THADA: variants seen among roughly 807,000 people sequenced by gnomAD.
The protein encoded by THADA is tRNA (32-2'-O)-methyltransferase regulator THADA.
Under a neutral mutation model 219.8 loss-of-function variants are expected in THADA, and 213 were observed. The ratio of observed to expected loss-of-function variants is 0.97; its 90% CI spans 0.87 to 1.09. THADA has a LOEUF of 1.09. THADA is among the 50% of genes least tolerant of loss of function. The pLI, the probability that THADA is intolerant of heterozygous loss-of-function variation, is 0.00. For synonymous variants in THADA, 1,018 were observed against 828.9 expected, an observed-to-expected ratio of 1.23 and a Z score of -3.92; for missense variants, 2,956 against 2,311.3, an observed-to-expected ratio of 1.28 and a Z score of -5.72.
At chr2:43,506,783 T>C (rs1388056549) in intron 23 of THADA, among the ~76,000 whole-genome samples, 1 of 152,218 alleles carries the variant, frequency 6.6e-6, no homozygotes, top group Non-Finnish European at 1.5e-5. Flanking sequence ...CCAGACTCCC[T>C]TTCTCCATGT....
intron 29 of THADA, among the ~76,000 whole-genome samples, chr2:43,353,211 G>C (rs1356130144): frequency 6.6e-6 from 1 of 152,132 alleles, no homozygotes; most frequent in East Asian, 1.9e-4. Context: ...GATTTGCTGG[G>C]TCTTATGATG....
chr2:43,518,656 G>C (rs1056510836), intron 22 of THADA, among the ~76,000 whole-genome samples: 6 of 152,192 alleles, frequency 3.9e-5, no homozygotes, highest in African/African-American at 1.4e-4. Context: ...CAATGTCTCT[G>C]AGTTTTAACA....
chr2:43,464,291 C>T (rs1683976803), intron 26 of THADA, among the ~76,000 whole-genome samples: 1 of 151,836 alleles, frequency 6.6e-6, no homozygotes, highest in African/African-American at 2.4e-5. Context: ...TCCATTAATA[C>T]TCTTACTCAT....
Position 43,554,224 on chromosome 2 carries a change from G to A in THADA, c.2675-1885C>T, listed in dbSNP as rs570097200. 8.3e-3 allele frequency among the ~76,000 whole-genome samples: 1,256 copies of A among 152,216 alleles called. 10 individuals carry two copies. The highest frequency in any genetic ancestry group is 0.014 in the Non-Finnish European group (924 of 68,006). ...GACTGACATCTATGTTTTCTTCCAA[G>A]AATTTTATAGTTTTAGCTCTTATAT... On this transcript the variant is annotated intron_variant, in intron 17 of 37. Transcript: ENST00000405975.
At chr2:43,317,244 T>C (rs1287367247) in intron 31 of THADA, among the ~76,000 whole-genome samples, 2 of 152,314 alleles carry the variant, frequency 1.3e-5, no homozygotes, top group African/African-American at 4.8e-5. Flanking sequence ...CATAAACACC[T>C]TGCTTGAATT....
At chr2:43,528,047 A>C in intron 21 of THADA, 59 bp from the exon 22 acceptor site, 1 of 1,272,340 alleles carries the variant, frequency 7.9e-7, no homozygotes, top group Non-Finnish European at 1.1e-6. Flanking sequence ...AAGTGTATTT[A>C]TATCAGTAAC....
intron 31 of THADA, among the ~76,000 whole-genome samples, chr2:43,306,543 G>C (rs1572998644): frequency 6.6e-6 from 1 of 152,118 alleles, no homozygotes; most frequent in African/African-American, 2.4e-5. Flanking sequence ...AGAGAGGCTA[G>C]GATCACCCAT....
chr2:43,355,677 G>A lies in THADA; in HGVS notation c.4228-11440C>T, dbSNP rs541202852. Among the ~76,000 whole-genome samples the A allele has an allele frequency of 2.5e-4, 38 of 152,142 alleles. 1 individual carries two copies. Among genetic ancestry groups the A allele is most frequent in the Non-Finnish European group, 4.7e-4 (32 of 68,004 alleles). ...CTATTTTGAGTTGACTTTTGTGTAA[G>A]GTATAAGGGTCCAATGTCATTCTTT... is the stretch of plus-strand genomic sequence containing the variant. On this transcript the variant is annotated intron_variant, in intron 29 of 37. Transcript: ENST00000405975.
chr2:43,329,588 G>C (rs994662704), intron 30 of THADA, among the ~76,000 whole-genome samples: 1 of 152,118 alleles, frequency 6.6e-6, no homozygotes, highest in Non-Finnish European at 1.5e-5. Flanking sequence ...TCTTAAGAAG[G>C]AAGAAAAATA....
intron 26 of THADA, among the ~76,000 whole-genome samples, chr2:43,438,523 G>A (rs1194691905): frequency 6.6e-6 from 1 of 152,152 alleles, no homozygotes; most frequent in African/African-American, 2.4e-5. Context: ...AAATGGCCTA[G>A]ATAAACTCTT....
chr2:43,261,077 G>A (rs1462975569), intron 36 of THADA, among the ~76,000 whole-genome samples: 1 of 151,652 alleles, frequency 6.6e-6, no homozygotes, highest in Non-Finnish European at 1.5e-5. Context: ...GTTATTTTGT[G>A]GATAACTTTT....
intron 34 of THADA, among the ~76,000 whole-genome samples, chr2:43,288,601 A>T (rs1355642506): frequency 6.6e-6 from 1 of 152,242 alleles, no homozygotes; most frequent in African/African-American, 2.4e-5. Context: ...TCCTCTCCCT[A>T]TGGAGCTTTG....
chr2:43,484,949 A>C lies in THADA; in HGVS notation c.3836+285T>G, dbSNP rs566851635. On this transcript the variant is annotated intron_variant, in intron 26 of 37. Transcript: ENST00000405975. ...TTAAAGAAGATGCAATTAAAAAAAAAAAAACAAAAAAAACACTAGCTTTTG... is the reference window on the plus strand; with the variant it reads ...TTAAAGAAGATGCAATTAAAAAAAACAAAACAAAAAAAACACTAGCTTTTG... 5.3e-5 allele frequency among the ~76,000 whole-genome samples: 8 copies of C among 151,174 alleles called. No individual in the cohort carries two copies. The South Asian group carries it at 1.7e-3, about 31-fold the overall frequency.
chr2:43,442,194 G>T (rs753191620), intron 26 of THADA, among the ~76,000 whole-genome samples: 95 of 152,142 alleles, frequency 6.2e-4, no homozygotes, highest in Non-Finnish European at 1.2e-3. Context: ...CCAGCACTTT[G>T]GGAGGCCGAG....
chr2:43,234,450 A>G (rs1667792431), intron 36 of THADA, among the ~76,000 whole-genome samples: 1 of 152,160 alleles, frequency 6.6e-6, no homozygotes, highest in Admixed American at 6.5e-5. Context: ...TCTGCAGCCT[A>G]GAACCCAGAT....
chr2:43,540,217 G>A (rs1695121043), intron 21 of THADA, among the ~76,000 whole-genome samples: 1 of 152,230 alleles, frequency 6.6e-6, no homozygotes. Context: ...ACGCCTATTT[G>A]ATTTGGAAGA....
intron 36 of THADA, among the ~76,000 whole-genome samples, chr2:43,248,944 C>G (rs1198739734): frequency 6.6e-6 from 1 of 152,196 alleles, no homozygotes; most frequent in African/African-American, 2.4e-5. Flanking sequence ...GCATCTCATG[C>G]TCTGCCTTCA....
chr2:43,292,150 G>C lies in THADA; in HGVS notation c.4891C>G (p.Pro1631Ala), dbSNP rs1309212843. 1.9e-6 allele frequency: 3 copies of C among 1,611,964 alleles called. No individual in the cohort carries two copies. Among genetic ancestry groups the C allele is most frequent in the Non-Finnish European group, 1.7e-6 (2 of 1,179,166 alleles). Residue 1631 changes from proline to alanine, a missense_variant, in exon 33 of 38, where the codon CCA becomes GCA. Coordinates refer to ENST00000405975, the MANE Select transcript of THADA (RefSeq NM_022065.5). Reference protein sequence around the residue: ...PQTEHCVHLTPKEFLIWTMDI... With the variant: ...PQTEHCVHLTAKEFLIWTMDI... ...ATCGTCCAGATCAAGAACTCCTTTG[G>C]GGTCAGATGGACACAGTGCTCCGTC...
At chr2:43,307,073 C>A (rs867371668) in intron 31 of THADA, among the ~76,000 whole-genome samples, 3 of 152,204 alleles carry the variant, frequency 2.0e-5, no homozygotes, top group Non-Finnish European at 2.9e-5. Flanking sequence ...CAGGAACTGT[C>A]CTTCCACCAT....
Sources: gnomAD v4.1 joint callset for allele counts (sites outside exome capture counted in the v4.1 genomes callset) on GRCh38, gnomAD v4.1.1 for gene constraint, MANE v1.5 for transcripts, NCBI Gene and HGNC (gene_info 2026-07-23, HGNC 2026-07-21) for gene names.